RBFOX1: variants seen among roughly 807,000 people sequenced by gnomAD.
RBFOX1 encodes the protein RNA binding protein fox-1 homolog 1.
In RBFOX1, 8 loss-of-function variants were observed where a neutral mutation model predicts 57.7. The ratio of observed to expected loss-of-function variants is 0.14; its 90% CI spans 0.08 to 0.25. RBFOX1 has a LOEUF of 0.25. Among genes scored for constraint, RBFOX1 ranks in the 10% least tolerant of loss-of-function variants. The probability of loss-of-function intolerance (pLI) is 1.00; values close to 1 mark genes in which losing one functional copy is unlikely to be tolerated. For synonymous variants in RBFOX1, 326 were observed against 222.4 expected, an observed-to-expected ratio of 1.47 and a Z score of -4.15; for missense variants, 611 against 548.5, an observed-to-expected ratio of 1.11 and a Z score of -1.14.
chr16:5,417,798 T>C (rs996916911), intron 1 of RBFOX1, among the ~76,000 whole-genome samples: 1 of 152,100 alleles, frequency 6.6e-6, no homozygotes, highest in African/African-American at 2.4e-5. Flanking sequence ...ATTTGTGAAA[T>C]GGCCGGGTGT....
intron 3 of RBFOX1, among the ~76,000 whole-genome samples, chr16:6,655,256 C>G (rs1055674005): frequency 6.6e-6 from 1 of 150,804 alleles, no homozygotes; most frequent in Non-Finnish European, 1.5e-5. Context: ...TGCCTGTAAT[C>G]CCAGCTACTT....
chr16:6,139,357 G>A (rs1458796960), intron 1 of RBFOX1, among the ~76,000 whole-genome samples: 1 of 152,194 alleles, frequency 6.6e-6, no homozygotes, highest in Non-Finnish European at 1.5e-5. Context: ...TCCCAACTCT[G>A]CTGCTTTCTG....
chr16:7,199,137 A>G (rs534640644), intron 4 of RBFOX1, among the ~76,000 whole-genome samples: 23 of 152,246 alleles, frequency 1.5e-4, no homozygotes, highest in African/African-American at 4.8e-4. Context: ...AATGTTAGGG[A>G]CTGTTGATGA....
intron 2 of RBFOX1, among the ~76,000 whole-genome samples, chr16:6,346,341 C>T (rs925072805): frequency 6.6e-6 from 1 of 152,134 alleles, no homozygotes. Flanking sequence ...TGACTGAGTC[C>T]TTAGTTAACA....
intron 4 of RBFOX1, among the ~76,000 whole-genome samples, chr16:5,890,931 C>T (rs2058031698): frequency 6.6e-6 from 1 of 152,118 alleles, no homozygotes; most frequent in Non-Finnish European, 1.5e-5. Context: ...TACATGGCTC[C>T]TTCAGTTGCT....
At chr16:6,698,455 G>T (rs17140953) in intron 3 of RBFOX1, among the ~76,000 whole-genome samples, 1 of 152,050 alleles carries the variant, frequency 6.6e-6, no homozygotes, top group South Asian at 2.1e-4. Context: ...CCGCCATAAC[G>T]CAAATCAATC....
intron 2 of RBFOX1, among the ~76,000 whole-genome samples, chr16:6,479,697 A>T (rs1247755380): frequency 6.6e-6 from 1 of 152,082 alleles, no homozygotes; most frequent in Non-Finnish European, 1.5e-5. Flanking sequence ...ATCACCTCCC[A>T]CCTGGTTTCT....
chr16:5,583,616 A>G (rs893808146), intron 2 of RBFOX1, among the ~76,000 whole-genome samples: 3 of 152,142 alleles, frequency 2.0e-5, no homozygotes, highest in African/African-American at 4.8e-5. Flanking sequence ...AACTCCATCA[A>G]GTTGAACTTG....
intron 4 of RBFOX1, among the ~76,000 whole-genome samples, chr16:7,217,651 G>C (rs770351882): frequency 6.6e-6 from 1 of 152,106 alleles, no homozygotes; most frequent in Non-Finnish European, 1.5e-5. Flanking sequence ...AAAAATGTCA[G>C]TGTTTATTTG....
Position 5,917,211 on chromosome 16 carries a change from C to T in RBFOX1, c.351+49876C>T, listed in dbSNP as rs2058723714. ...ACTCCCAGCGCCCGTGCTTTGAATC[C>T]ACACCCCAGAGGAGAGACTTGCTAA... On this transcript the variant is annotated intron_variant, in intron 4 of 19. Transcript: ENST00000641259. Among the ~76,000 whole-genome samples the T allele has an allele frequency of 2.0e-5, 3 of 152,252 alleles. 1 individual carries two copies. The South Asian group carries it at 6.2e-4, about 32-fold the overall frequency.
chr16:7,458,021 T>G, intron 4 of RBFOX1, among the ~76,000 whole-genome samples: 1 of 152,134 alleles, frequency 6.6e-6, no homozygotes, highest in Admixed American at 6.5e-5. Flanking sequence ...GGTTGGTATA[T>G]TCAGCCTTGC....
intron 4 of RBFOX1, among the ~76,000 whole-genome samples, chr16:7,301,153 T>A (rs77256147): frequency 0.012 from 1,805 of 152,298 alleles, 27 homozygotes; most frequent in African/African-American, 0.041. Context: ...AAGTGAGCGA[T>A]GATTGTGGAT....
In RBFOX1 at chr16:6,856,312, C is replaced by T. The variant is rs370543943; in HGVS notation, c.-15-195745C>T. ...GTATGATGATGTAGGAGTTCTATTC[C>T]CAATTCATATTGTTTTGAAGCCACG... On this transcript the variant is annotated intron_variant, in intron 3 of 15. Transcript: ENST00000550418. Among the ~76,000 whole-genome samples the T allele has an allele frequency of 2.4e-3, 361 of 152,132 alleles. 4 individuals are homozygous for T. The highest frequency in any genetic ancestry group is 8.2e-3 in the African/African-American group (341 of 41,514).
At chr16:6,724,690 T>G (rs2066774472) in intron 3 of RBFOX1, among the ~76,000 whole-genome samples, 1 of 152,196 alleles carries the variant, frequency 6.6e-6, no homozygotes, top group African/African-American at 2.4e-5. Flanking sequence ...AAGTCAACAT[T>G]TAAGAGTTCA....
chr16:6,554,810 A>G (rs996897848), intron 2 of RBFOX1, among the ~76,000 whole-genome samples: 1 of 130,626 alleles, frequency 7.7e-6, no homozygotes, highest in African/African-American at 3.9e-5. Context: ...ACAGATAAAC[A>G]CACAGACACA....
At chr16:6,159,805 C>A (rs1460975838) in intron 1 of RBFOX1, among the ~76,000 whole-genome samples, 1 of 152,200 alleles carries the variant, frequency 6.6e-6, no homozygotes. Flanking sequence ...TGACAGAAGA[C>A]TGACTTGAAG....
chr16:6,131,634 C>G (rs60601922), intron 1 of RBFOX1, among the ~76,000 whole-genome samples: 4 of 152,130 alleles, frequency 2.6e-5, no homozygotes, highest in Admixed American at 2.6e-4. Flanking sequence ...CAAGATTCAC[C>G]ATATCAACAT....
chr16:7,031,423 C>T (rs1440914101), intron 3 of RBFOX1, among the ~76,000 whole-genome samples: 1 of 151,926 alleles, frequency 6.6e-6, no homozygotes, highest in Non-Finnish European at 1.5e-5. Context: ...TGGTGAAACC[C>T]CGTCTCTACT....
intron 4 of RBFOX1, among the ~76,000 whole-genome samples, chr16:7,066,262 C>T (rs2169852): frequency 0.68 from 103,038 of 152,088 alleles, 35,322 homozygotes; most frequent in South Asian, 0.74. Context: ...TCTATATTCA[C>T]TTGTTTTGAC....
Sources: allele counts gnomAD v4.1 joint callset (sites outside exome capture counted in the v4.1 genomes callset), GRCh38; gene constraint gnomAD v4.1.1; transcripts MANE v1.5; gene names NCBI Gene and HGNC (gene_info 2026-07-23, HGNC 2026-07-21).